DMD: variants seen among roughly 807,000 people sequenced by gnomAD.
The protein encoded by DMD is mutant dystrophin.
A neutral mutation model predicts 330.1 loss-of-function variants in DMD; 63 were observed. The observed-to-expected ratio is 0.19, with a 90% confidence interval of 0.16 to 0.24. DMD has a LOEUF of 0.24. Ranked by LOEUF, DMD falls within the 10% of genes least tolerant of loss-of-function variation. The pLI is 1.00. For synonymous variants in DMD, 1,223 were observed against 959.8 expected (o/e 1.27, Z -5.07); for missense variants, 3,344 against 2,684.1 (o/e 1.25, Z -5.43).
At chrX:31,803,702 T>TC (rs2092177286) in intron 50 of DMD, among the ~76,000 whole-genome samples, 3 of 78,271 alleles carry the variant, frequency 3.8e-5, no homozygotes, top group Non-Finnish European at 7.9e-5. Flanking sequence ...CTCTCTCTCT[T>TC]TCTTTTTATT....
chrX:32,525,525 G>A (rs906377880), intron 17 of DMD, among the ~76,000 whole-genome samples: 3 of 111,283 alleles, frequency 2.7e-5, no homozygotes, highest in South Asian at 3.8e-4. Context: ...TCTCCTTCCC[G>A]GATCCTACTC....
intron 1 of DMD, among the ~76,000 whole-genome samples, chrX:33,164,433 T>C (rs1207563035): frequency 1.8e-5 from 2 of 112,148 alleles, no homozygotes; most frequent in Admixed American, 1.9e-4. Flanking sequence ...TAGAGCTTAA[T>C]AAATTCACCT....
At chrX:31,478,063 T>C (rs772961350) in intron 59 of DMD, 43 bp downstream of exon 59, 9 of 1,196,811 alleles carry the variant, frequency 7.5e-6, no homozygotes, top group Admixed American at 2.2e-5. Flanking sequence ...AGAAGCTCTT[T>C]TGAGTCTCTC....
chrX:31,298,331 G>C (rs1406191260), intron 62 of DMD, among the ~76,000 whole-genome samples: 2 of 110,431 alleles, frequency 1.8e-5, no homozygotes, highest in African/African-American at 3.3e-5. Flanking sequence ...TTTTAGTACT[G>C]AGAAAAACAT....
intron 62 of DMD, chrX:31,261,875 G>A (rs754985164): frequency 7.1e-5 from 8 of 112,360 alleles, no homozygotes; most frequent in African/African-American, 1.9e-4. Context: ...GGGATTGCAT[G>A]ACAGGCTTTG....
chrX:32,368,011 A>C (rs764718103), intron 34 of DMD, among the ~76,000 whole-genome samples: 1 of 112,005 alleles, frequency 8.9e-6, no homozygotes, highest in Admixed American at 9.5e-5. Flanking sequence ...TTAGGAAAAA[A>C]TATTGTGTTA....
chrX:31,362,893 T>A (rs1341275098), intron 60 of DMD, among the ~76,000 whole-genome samples: 1 of 112,514 alleles, frequency 8.9e-6, no homozygotes, highest in East Asian at 2.8e-4. Context: ...GAGCTTGCAG[T>A]GAGCCGAGAT....
At chrX:33,120,203 T>A (rs148092251) in intron 1 of DMD, among the ~76,000 whole-genome samples, 3,287 of 111,780 alleles carry the variant, frequency 0.029, 129 homozygotes, top group African/African-American at 0.1. Flanking sequence ...TGGCAATTGA[T>A]TACAAAAAGT....
chrX:32,329,862 G>A (rs1047472157), intron 41 of DMD, among the ~76,000 whole-genome samples: 6 of 112,487 alleles, frequency 5.3e-5, no homozygotes, highest in Non-Finnish European at 7.5e-5. Flanking sequence ...AGTTAACAAT[G>A]CCTCCAAATT....
chrX:31,298,231 G>T (rs1431470830), intron 62 of DMD, among the ~76,000 whole-genome samples: 2 of 111,814 alleles, frequency 1.8e-5, no homozygotes, highest in Admixed American at 9.5e-5. Flanking sequence ...TATAATAAAT[G>T]AAAATTAAAC....
chrX:33,002,850 G>GGAA (rs2093313714), intron 2 of DMD, among the ~76,000 whole-genome samples: 1 of 38,757 alleles, frequency 2.6e-5, no homozygotes, highest in Non-Finnish European at 4.3e-5. Flanking sequence ...TTTTTTTCTC[G>GGAA]AAAAAAAAAA....
At chrX:31,475,771 C>T (rs983105754) in intron 59 of DMD, among the ~76,000 whole-genome samples, 5 of 111,666 alleles carry the variant, frequency 4.5e-5, no homozygotes, top group African/African-American at 1.3e-4. Flanking sequence ...GTATTAGAGT[C>T]AAATTTTTAA....
At chrX:32,614,226 A>T in intron 12 of DMD, 77 bp downstream of exon 12, 1 of 981,638 alleles carries the variant, frequency 1.0e-6, no homozygotes, top group Non-Finnish European at 1.4e-6. Flanking sequence ...CAACCATGTC[A>T]TCTGTGTTAC....
At chrX:33,288,171 G>C (rs2148927672) in intron 1 of DMD, among the ~76,000 whole-genome samples, 1 of 111,598 alleles carries the variant, frequency 9.0e-6, no homozygotes, top group African/African-American at 3.2e-5. Flanking sequence ...CTTTCGAAGT[G>C]GTGATGTAAT....
At chrX:32,933,782 A>G (rs1217755239) in intron 2 of DMD, among the ~76,000 whole-genome samples, 1 of 111,934 alleles carries the variant, frequency 8.9e-6, no homozygotes, top group African/African-American at 3.2e-5. Flanking sequence ...GTTGCCGGAA[A>G]AGCCATTACA....
intron 11 of DMD, among the ~76,000 whole-genome samples, chrX:32,622,019 T>G (rs2149384110): frequency 9.0e-6 from 1 of 111,711 alleles, no homozygotes; most frequent in South Asian, 3.8e-4. Flanking sequence ...GGTAACTTTA[T>G]TCTACAAACA....
chrX:32,296,161 G>A (rs2097495104), intron 42 of DMD, among the ~76,000 whole-genome samples: 1 of 111,703 alleles, frequency 9.0e-6, no homozygotes, highest in Admixed American at 9.5e-5. Flanking sequence ...GGAGGCCGAG[G>A]TAGGTGGATC....
intron 2 of DMD, among the ~76,000 whole-genome samples, chrX:32,982,361 T>G (rs2092727769): frequency 8.9e-6 from 1 of 111,880 alleles, no homozygotes; most frequent in African/African-American, 3.2e-5. Flanking sequence ...TTCTGTTAAT[T>G]TAAATACCTG....
intron 60 of DMD, among the ~76,000 whole-genome samples, chrX:31,384,314 CTACT>C (rs760773298): frequency 0.25 from 11,225 of 44,130 alleles, 556 homozygotes; most frequent in Non-Finnish European, 0.32. Context: ...TGCTTCACTA[CTACT>C]ACTACTACTA....
Sources: gnomAD v4.1 joint callset for allele counts (sites outside exome capture counted in the v4.1 genomes callset) on GRCh38, gnomAD v4.1.1 for gene constraint, MANE v1.5 for transcripts, NCBI Gene and HGNC (gene_info 2026-07-23, HGNC 2026-07-21) for gene names.